The following CHODL variants were observed in gnomAD, a reference collection of about 807,000 sequenced individuals.
CHODL encodes chondrolectin.
A neutral mutation model predicts 34.5 loss-of-function variants in CHODL; 29 were observed. That is an observed-to-expected ratio of 0.84 (90% confidence interval 0.63 to 1.15). CHODL has a LOEUF of 1.15. Ranked by LOEUF, CHODL falls within the 50% of genes most tolerant of loss-of-function variation. The pLI is 0.00. For missense variants in CHODL, 332 were observed against 332.5 expected (o/e 1.00, Z 0.01); for synonymous variants, 125 against 116.1 (o/e 1.08, Z -0.49).
At chr21:18,191,085 GT>G (rs1420525940) in intron 2 of CHODL, among the ~76,000 whole-genome samples, 1 of 152,046 alleles carries the variant, frequency 6.6e-6, no homozygotes, top group Non-Finnish European at 1.5e-5. Context: ...AGAGATAAAA[GT>G]TTTTAAAAAT....
intron 1 of CHODL, among the ~76,000 whole-genome samples, chr21:17,949,230 C>T (rs2063436774): frequency 6.6e-6 from 1 of 152,078 alleles, no homozygotes; most frequent in South Asian, 2.1e-4. Context: ...AATCTAACTG[C>T]AGAGTAATGT....
chr21:18,022,484 G>C (rs1704005817), intron 1 of CHODL: 1 of 152,150 alleles, frequency 6.6e-6, no homozygotes, highest in Admixed American at 6.5e-5. Flanking sequence ...ACATTCACAG[G>C]CTCCAGGCAT....
intron 1 of CHODL, among the ~76,000 whole-genome samples, chr21:17,964,174 T>C (rs982624120): frequency 1.3e-5 from 2 of 152,232 alleles, no homozygotes; most frequent in African/African-American, 4.8e-5. Context: ...AATAAAATAA[T>C]TGTCTTTTAT....
At chr21:18,179,986 C>T (rs575955741) in intron 2 of CHODL, among the ~76,000 whole-genome samples, 1 of 152,236 alleles carries the variant, frequency 6.6e-6, no homozygotes, top group African/African-American at 2.4e-5. Context: ...AGCTCTGCTA[C>T]TTTATTCTGC....
intron 1 of CHODL, among the ~76,000 whole-genome samples, chr21:17,989,426 C>T (rs2063779770): frequency 6.6e-6 from 1 of 152,162 alleles, no homozygotes; most frequent in Non-Finnish European, 1.5e-5. Context: ...TTCCTATCCT[C>T]ACATATATCC....
At chr21:17,959,017 A>G (rs887428041) in intron 1 of CHODL, among the ~76,000 whole-genome samples, 2 of 152,064 alleles carry the variant, frequency 1.3e-5, no homozygotes, top group Non-Finnish European at 2.9e-5. Flanking sequence ...TCTAAAGACA[A>G]AACTACACAA....
At chr21:18,265,160 G>C (rs956821483) in intron 5 of CHODL, among the ~76,000 whole-genome samples, 9 of 150,280 alleles carry the variant, frequency 6.0e-5, no homozygotes, top group African/African-American at 2.2e-4. Context: ...CGTGGATAAA[G>C]AATCTGTGGT....
chr21:18,094,935 C>T (rs1327770444), intron 2 of CHODL, among the ~76,000 whole-genome samples: 1 of 151,840 alleles, frequency 6.6e-6, no homozygotes, highest in African/African-American at 2.4e-5. Flanking sequence ...ACCAGGCTGG[C>T]CAAAATGGTG....
chr21:17,984,042 A>G (rs986728123), intron 1 of CHODL, among the ~76,000 whole-genome samples: 5 of 152,208 alleles, frequency 3.3e-5, no homozygotes, highest in Admixed American at 2.6e-4. Flanking sequence ...TTTATCTAGC[A>G]TAAACTTAAG....
chr21:18,185,862 G>C (rs574522818), intron 2 of CHODL, among the ~76,000 whole-genome samples: 4 of 152,188 alleles, frequency 2.6e-5, no homozygotes, highest in African/African-American at 9.7e-5. Flanking sequence ...CTAGCTAGCT[G>C]TCTAGGGTCT....
In CHODL at chr21:18,089,759, A is replaced by G. The variant is rs554740227; in HGVS notation, c.-45+61788A>G. ...AATAAAAAGCTTTTAAACTTACAAC[A>G]AAGAAGAGGATAGGAGAATTCTACA... On this transcript the variant is annotated intron_variant, in intron 2 of 6. Coordinates refer to the CHODL transcript ENST00000400127. Among the ~76,000 whole-genome samples, 14 of 139,656 alleles carry G rather than the reference A, an allele frequency of 1.0e-4. No individual in the cohort carries two copies. The South Asian group carries it at 2.7e-3, about 27-fold the overall frequency. The allele number at this position is 139,656 out of a possible 152,430, so 91.6% of individuals were successfully genotyped here.
At chr21:18,073,591 A>T (rs2064831035) in intron 2 of CHODL, among the ~76,000 whole-genome samples, 2 of 152,108 alleles carry the variant, frequency 1.3e-5, no homozygotes, top group South Asian at 2.1e-4. Context: ...TTACTGCATG[A>T]ATTCTAATGA....
chr21:18,162,411 T>TCTC (rs2073105496), intron 2 of CHODL, among the ~76,000 whole-genome samples: 6 of 147,804 alleles, frequency 4.1e-5, no homozygotes, highest in African/African-American at 1.5e-4. Context: ...ACGTGGTGTT[T>TCTC]TCTCTCTCTC....
intron 1 of CHODL, among the ~76,000 whole-genome samples, chr21:17,984,188 C>T (rs948980515): frequency 1.3e-5 from 2 of 152,156 alleles, no homozygotes; most frequent in Admixed American, 1.3e-4. Flanking sequence ...TTTCATTTAG[C>T]ATAGTGGTCT....
chr21:18,130,159 A>G (rs539796163), intron 2 of CHODL, among the ~76,000 whole-genome samples: 1 of 152,278 alleles, frequency 6.6e-6, no homozygotes, highest in Non-Finnish European at 1.5e-5. Context: ...TCAATAATGC[A>G]GATATTTACT....
chr21:18,159,551 T>A (rs1192776249), intron 2 of CHODL, among the ~76,000 whole-genome samples: 1 of 152,210 alleles, frequency 6.6e-6, no homozygotes, highest in Non-Finnish European at 1.5e-5. Flanking sequence ...AACAAGCTGA[T>A]GATTTTCGAG....
chr21:18,059,416 G>A (rs2146481396), intron 2 of CHODL, among the ~76,000 whole-genome samples: 1 of 152,126 alleles, frequency 6.6e-6, no homozygotes, highest in African/African-American at 2.4e-5. Flanking sequence ...GGGGCGAAGA[G>A]CCTTTATTCA....
At chr21:18,195,291 T>C (rs1386283440) in intron 2 of CHODL, among the ~76,000 whole-genome samples, 1 of 152,160 alleles carries the variant, frequency 6.6e-6, no homozygotes, top group Non-Finnish European at 1.5e-5. Flanking sequence ...CCTGACCTCG[T>C]GATCTGCCTG....
intron 2 of CHODL, among the ~76,000 whole-genome samples, chr21:18,139,584 C>T (rs982619589): frequency 1.2e-4 from 18 of 152,052 alleles, no homozygotes; most frequent in African/African-American, 2.9e-4. Flanking sequence ...TAGCTGACCA[C>T]GACCTCCACT....
Sources: gnomAD v4.1 joint callset for allele counts (sites outside exome capture counted in the v4.1 genomes callset) on GRCh38, gnomAD v4.1.1 for gene constraint, MANE v1.5 for transcripts, NCBI Gene and HGNC (gene_info 2026-07-23, HGNC 2026-07-21) for gene names.